GJA1: variants seen among roughly 807,000 people sequenced by gnomAD.
GJA1 encodes the protein gap junction alpha-1 protein.
In GJA1, 9 loss-of-function variants were observed where a neutral mutation model predicts 31.0. That is an observed-to-expected ratio of 0.29 (90% CI 0.17 to 0.51). The LOEUF (loss-of-function observed/expected upper bound fraction) is 0.51. Ranked by LOEUF, GJA1 falls within the 20% of genes least tolerant of loss-of-function variation. The pLI is 0.98. For missense variants in GJA1, 278 were observed against 468.8 expected (o/e 0.59, Z 3.76); for synonymous variants, 186 against 180.1 (o/e 1.03, Z -0.26).
At chr6:121,441,590 A>G (rs970460473) in intron 1 of GJA1, among the ~76,000 whole-genome samples, 1 of 152,204 alleles carries the variant, frequency 6.6e-6, no homozygotes, top group Non-Finnish European at 1.5e-5. Context: ...AGGAAATGAC[A>G]GGACTGGGGA....
chr6:121,447,208 G>A lies in GJA1; in HGVS notation c.361G>A (p.Val121Ile). Residue 121 changes from valine (V) to isoleucine (I), a missense_variant, in exon 2 of 2, where the codon GTC (valine) becomes ATC (isoleucine). Transcript: ENST00000282561. ...EELKVAQTDG[V>I]NVDMHLKQIE... Reference sequence around the variant, plus strand: ...ACTCAAGGTTGCCCAAACTGATGGTGTCAATGTGGACATGCACTTGAAGCA... The same window carrying A: ...ACTCAAGGTTGCCCAAACTGATGGTATCAATGTGGACATGCACTTGAAGCA... The A allele has an allele frequency of 6.2e-7, 1 of 1,614,028 alleles. No individual in the cohort carries two copies.
In GJA1 at chr6:121,447,696, T is replaced by C; in HGVS notation, c.849T>C (p.Pro283=). 6.2e-7 allele frequency: 1 copy of C among 1,614,072 alleles called. No individual in the cohort carries two copies. The highest frequency in any genetic ancestry group is 1.3e-5 in the African/African-American group (1 of 75,010). The change falls in exon 2 of 2, where the codon CCT becomes CCC. Residue 283 remains proline, a synonymous_variant. Coordinates refer to ENST00000282561, the MANE Select transcript of GJA1 (RefSeq NM_000165.5). The stretch of plus-strand genomic sequence containing the variant: ...CCGCTCCCCTCTCGCCTATGTCTCC[T>C]CCTGGGTACAAGCTGGTTACTGGCG... ...SPTAPLSPMS[P]PGYKLVTGDR...
chr6:121,444,308 A>G (rs964040809), intron 1 of GJA1, among the ~76,000 whole-genome samples: 1 of 152,192 alleles, frequency 6.6e-6, no homozygotes, highest in Non-Finnish European at 1.5e-5. Flanking sequence ...CTTTCTTATG[A>G]CCACTGGGGG....
At chr6:121,439,350 C>T (rs1389375518) in intron 1 of GJA1, among the ~76,000 whole-genome samples, 2 of 152,206 alleles carry the variant, frequency 1.3e-5, no homozygotes, top group East Asian at 3.9e-4. Flanking sequence ...TTAATCAATA[C>T]ACTTGTGAGG....
Position 121,447,617 on chromosome 6 carries a change from C to G in GJA1, c.770C>G (p.Ala257Gly). ...GCGACCAGTGGTGCGCTGAGCCCTG[C>G]CAAAGACTGTGGGTCTCAAAAATAT... is the stretch of plus-strand genomic sequence containing the variant. ...YHATSGALSP[A>G]KDCGSQKYAY... The change falls in exon 2 of 2, where the codon GCC becomes GGC. Residue 257 changes from alanine (A) to glycine (G), a missense_variant. Transcript: ENST00000282561. 6.2e-7 allele frequency: 1 copy of G among 1,613,852 alleles called. No individual in the cohort carries two copies. The highest frequency in any genetic ancestry group is 8.5e-7 in the Non-Finnish European group (1 of 1,179,932).
intron 1 of GJA1, among the ~76,000 whole-genome samples, chr6:121,445,026 A>G (rs773834684): frequency 1.3e-5 from 2 of 152,234 alleles, no homozygotes; most frequent in African/African-American, 2.4e-5. Flanking sequence ...GGCTCTGTCT[A>G]TAGCTAAATA....
intron 1 of GJA1, among the ~76,000 whole-genome samples, chr6:121,436,741 C>CA (rs1346951638): frequency 6.6e-6 from 1 of 152,066 alleles, no homozygotes; most frequent in Non-Finnish European, 1.5e-5. Context: ...TTTGGGAGCT[C>CA]CCCCCGCCAA....
intron 1 of GJA1, among the ~76,000 whole-genome samples, chr6:121,440,057 T>C (rs1457613579): frequency 2.6e-5 from 4 of 152,186 alleles, no homozygotes; most frequent in African/African-American, 9.7e-5. Context: ...GCCCTAGCCT[T>C]CCCCGATATT....
rs59447853 is a variant in GJA1 at position 121,440,912 on chromosome 6, TTTGTTGTTGTTGTTG to T, written c.-17+5098_-17+5112del. On this transcript the variant is annotated intron_variant, in intron 1 of 1. Coordinates refer to ENST00000282561, the MANE Select transcript of GJA1 (RefSeq NM_000165.5). ...ACCCGCCACCACGCCTGGCTACTTTTTTGTTGTTGTTGTTGTTGTTGTTGTTGTTGTTTGTCGTTT... is the reference window on the plus strand; with the variant it reads ...ACCCGCCACCACGCCTGGCTACTTTTTTGTTGTTGTTGTTGTTTGTCGTTT... Among the ~76,000 whole-genome samples, 4 of 142,300 alleles carry T rather than the reference TTTGTTGTTGTTGTTG, an allele frequency of 2.8e-5. No individual in the cohort carries two copies. In the East Asian group the frequency reaches 6.0e-4, roughly 21 times the overall value. The allele number at this position is 142,300 out of a possible 152,430, so 93.4% of individuals were successfully genotyped here. A position where few individuals can be genotyped will look rare whatever the true frequency, so the allele number is the denominator to read the frequency against.
At chr6:121,439,740 G>A (rs1291202977) in intron 1 of GJA1, among the ~76,000 whole-genome samples, 3 of 152,154 alleles carry the variant, frequency 2.0e-5, no homozygotes, top group African/African-American at 7.2e-5. Context: ...AAGAGCTGGG[G>A]AAGGAAGGCT....
chr6:121,448,811 A>G lies in GJA1; in HGVS notation c.*815A>G, dbSNP rs1398351537. 1 of 167,130 alleles carries G rather than the reference A, an allele frequency of 6.0e-6. No homozygotes were observed. The highest frequency in any genetic ancestry group is 1.5e-5 in the Non-Finnish European group (1 of 68,198). The allele number at this position is 167,130 out of a possible 1,614,324, so 10.4% of individuals were successfully genotyped here. ...ATCAAGCCATGCTTAATATTTAACAATCACTTATATGTGTGTCGAAGAGTT... is the reference window on the plus strand; with the variant it reads ...ATCAAGCCATGCTTAATATTTAACAGTCACTTATATGTGTGTCGAAGAGTT... On this transcript the variant is annotated 3_prime_UTR_variant, in exon 2 of 2. Coordinates refer to ENST00000282561, the MANE Select transcript of GJA1 (RefSeq NM_000165.5).
rs1384200463 is a variant in GJA1, at chr6:121,437,834, C to T, written c.-17+2002C>T. On this transcript the variant is annotated intron_variant, in intron 1 of 1. Coordinates refer to ENST00000282561, the MANE Select transcript of GJA1 (RefSeq NM_000165.5). ...TTTGCTTCCTCGACCCAGTTAGTAA[C>T]GACAAGAAAGATACTGAATATCGCC... Among the ~76,000 whole-genome samples, 4 of 152,042 alleles carry T rather than the reference C, an allele frequency of 2.6e-5. No individual in the cohort carries two copies. The East Asian group carries it at 5.8e-4, about 22-fold the overall frequency.
At chr6:121,440,300 G>A (rs886452921) in intron 1 of GJA1, among the ~76,000 whole-genome samples, 3 of 151,762 alleles carry the variant, frequency 2.0e-5, no homozygotes, top group Non-Finnish European at 2.9e-5. Context: ...AGTTCTACAA[G>A]AATCCTAACC....
intron 1 of GJA1, among the ~76,000 whole-genome samples, chr6:121,439,644 TCTCTTTGGATGGAGTTC>T (rs1044925002): frequency 6.6e-6 from 1 of 152,112 alleles, no homozygotes; most frequent in African/African-American, 2.4e-5. Flanking sequence ...TGCACCATCC[TCTCTTTGGATGGAGTTC>T]CTCACACCTC....
In GJA1 at chr6:121,448,281, A is replaced by T. The variant is rs72548748; in HGVS notation, c.*285A>T. On this transcript the variant is annotated 3_prime_UTR_variant, in exon 2 of 2. Coordinates refer to ENST00000282561, the MANE Select transcript of GJA1 (RefSeq NM_000165.5). ...GAGTTCCATTAGGTGATACATAGATAAGGGCTTTTTCTCCCCGCAAACACC... is the reference window on the plus strand; with the variant it reads ...GAGTTCCATTAGGTGATACATAGATTAGGGCTTTTTCTCCCCGCAAACACC... 131 of 478,542 alleles carry T rather than the reference A, an allele frequency of 2.7e-4. No individual in the cohort carries two copies. The highest frequency in any genetic ancestry group is 1.4e-3 in the Admixed American group (40 of 29,378). The allele number at this position is 478,542 out of a possible 1,614,324, so 29.6% of individuals were successfully genotyped here.
chr6:121,438,897 A>C (rs1380122362), intron 1 of GJA1, among the ~76,000 whole-genome samples: 5 of 151,620 alleles, frequency 3.3e-5, no homozygotes, highest in Non-Finnish European at 7.4e-5. Context: ...CCTATTTTCA[A>C]ACTGTGGTTA....
At position 121,448,468 on chromosome 6, in the gene GJA1, G is replaced by C. The variant is rs943332195; in HGVS notation, c.*472G>C. ...GACAGAGGATTGTCCTTAAGTCCCTGCTAAAACATTCCATTGTTAAAATTT... is the reference window on the plus strand; with the variant it reads ...GACAGAGGATTGTCCTTAAGTCCCTCCTAAAACATTCCATTGTTAAAATTT... On this transcript the variant is annotated 3_prime_UTR_variant, in exon 2 of 2. Coordinates refer to ENST00000282561, the MANE Select transcript of GJA1 (RefSeq NM_000165.5). 5.4e-6 allele frequency: 1 copy of C among 186,472 alleles called. No individual in the cohort carries two copies. The highest frequency in any genetic ancestry group is 1.3e-5 in the Non-Finnish European group (1 of 78,234). 11.6% of individuals were successfully genotyped at this position (186,472 alleles called of 1,614,324 possible).
chr6:121,447,601 G>A lies in GJA1; in HGVS notation c.754G>A (p.Gly252Ser), dbSNP rs372983194. The A allele has an allele frequency of 5.0e-6, 8 of 1,613,922 alleles. No homozygotes were observed. In the African/African-American group the frequency reaches 1.1e-4, roughly 22 times the overall value. Reference sequence around the variant, plus strand: ...GAGCGACCCTTACCATGCGACCAGTGGTGCGCTGAGCCCTGCCAAAGACTG... The same window carrying A: ...GAGCGACCCTTACCATGCGACCAGTAGTGCGCTGAGCCCTGCCAAAGACTG... ...GKSDPYHATS[G>S]ALSPAKDCGS... is the part of the protein sequence containing the mutation. Residue 252 changes from glycine (G) to serine (S), a missense_variant, in exon 2 of 2, where the codon GGT becomes AGT. Physicochemically the swap from Gly to Ser is moderately conservative, Grantham distance 56. This residue lies in a region of GJA1 where 172 missense variants were observed against 190.9 expected (regional missense o/e 0.90). Coordinates refer to ENST00000282561, the MANE Select transcript of GJA1 (RefSeq NM_000165.5).
intron 1 of GJA1, among the ~76,000 whole-genome samples, chr6:121,439,357 G>A (rs1309061206): frequency 6.6e-6 from 1 of 152,156 alleles, no homozygotes; most frequent in African/African-American, 2.4e-5. Flanking sequence ...ATACACTTGT[G>A]AGGGCCCTAA....
Sources: allele counts gnomAD v4.1 joint callset (sites outside exome capture counted in the v4.1 genomes callset), GRCh38; gene constraint gnomAD v4.1.1; regional missense constraint gnomAD v4.1.1; transcripts MANE v1.5; gene names NCBI Gene and HGNC (gene_info 2026-07-23, HGNC 2026-07-21).